ABCC4: variants seen among roughly 807,000 people sequenced by gnomAD.
The protein encoded by ABCC4 is ATP binding cassette subfamily C member 4 (PEL blood group), also known as ATP-binding cassette sub-family C member 4.
Under a neutral mutation model 168.5 loss-of-function variants are expected in ABCC4, and 102 were observed. That is an observed-to-expected ratio of 0.61 (90% CI 0.52 to 0.71). The LOEUF (loss-of-function observed/expected upper bound fraction) is 0.71, where lower values mean the gene tolerates loss of function less well. Among genes scored for constraint, ABCC4 ranks in the 30% least tolerant of loss-of-function variants. The probability of loss-of-function intolerance (pLI) is 0.00; values close to 1 mark genes in which losing one functional copy is unlikely to be tolerated. For synonymous variants in ABCC4, 617 were observed against 590.7 expected, an observed-to-expected ratio of 1.04 and a Z score of -0.65; for missense variants, 1,402 against 1,605.8, an observed-to-expected ratio of 0.87 and a Z score of 2.17.
intron 29 of ABCC4, among the ~76,000 whole-genome samples, chr13:95,042,176 T>G (rs1247742990): frequency 6.6e-6 from 1 of 152,100 alleles, no homozygotes. Flanking sequence ...TGCCTTTCCC[T>G]CCTCCAAGTT....
intron 19 of ABCC4, among the ~76,000 whole-genome samples, chr13:95,139,010 C>A (rs764613322): frequency 6.6e-6 from 1 of 152,200 alleles, no homozygotes; most frequent in Non-Finnish European, 1.5e-5. Flanking sequence ...TGGCTTGTCT[C>A]CTGTACTCCC....
At chr13:95,283,361 G>T (rs1043009028) in intron 1 of ABCC4, among the ~76,000 whole-genome samples, 52 of 87,260 alleles carry the variant, frequency 6.0e-4, no homozygotes, top group Admixed American at 2.3e-3. Flanking sequence ...TTTTTCTGTG[G>T]TTTTTTTTTT....
At chr13:95,269,355 G>C in intron 1 of ABCC4, 2 of 454,790 alleles carry the variant, frequency 4.4e-6, no homozygotes, top group Non-Finnish European at 8.8e-6. Context: ...GAACACAGGA[G>C]GTGGAGGCTG....
intron 29 of ABCC4, among the ~76,000 whole-genome samples, chr13:95,038,145 C>G (rs1386503698): frequency 1.3e-5 from 2 of 152,048 alleles, no homozygotes; most frequent in African/African-American, 4.8e-5. Flanking sequence ...CATGAGCCCC[C>G]ACATATGGCC....
At chr13:95,218,868 A>C (rs1452878614) in intron 4 of ABCC4, among the ~76,000 whole-genome samples, 2 of 144,746 alleles carry the variant, frequency 1.4e-5, no homozygotes, top group African/African-American at 5.2e-5. Flanking sequence ...AAAAAAAGAA[A>C]AGAAAAGAAA....
intron 1 of ABCC4, among the ~76,000 whole-genome samples, chr13:95,259,856 GAAA>G (rs11345832): frequency 0.094 from 13,243 of 141,000 alleles, 1,355 homozygotes; most frequent in African/African-American, 0.26. Flanking sequence ...GTAGTGTGGG[GAAA>G]AAAAAAAAAA....
chr13:95,167,877 G>C (rs1396633496), intron 14 of ABCC4, among the ~76,000 whole-genome samples: 1 of 151,992 alleles, frequency 6.6e-6, no homozygotes, highest in African/African-American at 2.4e-5. Context: ...AAAATGGTTT[G>C]TGTGTGTGTG....
At chr13:95,194,237 C>T (rs899499) in intron 9 of ABCC4, among the ~76,000 whole-genome samples, 25,941 of 152,208 alleles carry the variant, frequency 0.17, 2,844 homozygotes, top group African/African-American at 0.3. Flanking sequence ...TACCTGTCCA[C>T]TTACCACACG....
At chr13:95,178,255 G>A (rs943278905) in intron 11 of ABCC4, among the ~76,000 whole-genome samples, 164 bp from the exon 12 acceptor site, 3 of 152,214 alleles carry the variant, frequency 2.0e-5, no homozygotes, top group Non-Finnish European at 4.4e-5. Flanking sequence ...TAACTAAATT[G>A]TAAGTTTGAA....
chr13:95,294,441 A>C (rs947218088), intron 1 of ABCC4, among the ~76,000 whole-genome samples: 2 of 152,114 alleles, frequency 1.3e-5, no homozygotes, highest in African/African-American at 2.4e-5. Flanking sequence ...GTGGTGAACA[A>C]CACCATACAT....
intron 20 of ABCC4, among the ~76,000 whole-genome samples, chr13:95,113,969 C>CT (rs2035288231): frequency 6.6e-6 from 1 of 152,040 alleles, no homozygotes. Flanking sequence ...TATGGGAAGC[C>CT]TTATTAAAGA....
chr13:95,133,522 C>T (rs1320348124), intron 19 of ABCC4, among the ~76,000 whole-genome samples: 4 of 152,168 alleles, frequency 2.6e-5, no homozygotes, highest in Non-Finnish European at 4.4e-5. Flanking sequence ...TTCAGCTCGA[C>T]GTGGACACTC....
rs76716762 is a variant in ABCC4, at chr13:95,260,125, G to A, written c.75-12372C>T. On this transcript the variant is annotated intron_variant, in intron 1 of 30. Coordinates refer to ENST00000645237, the MANE Select transcript of ABCC4 (RefSeq NM_005845.5). Reference sequence around the variant, plus strand: ...TCTTCTGATGTTCTCCAGGTGATGCGGATGCAGGTTCAGGTTTGAGAACGT... The same window carrying A: ...TCTTCTGATGTTCTCCAGGTGATGCAGATGCAGGTTCAGGTTTGAGAACGT... Among the ~76,000 whole-genome samples, 562 of 152,242 alleles carry A rather than the reference G, an allele frequency of 3.7e-3. 25 individuals carry two copies. In the East Asian group the frequency reaches 0.086, roughly 23 times the overall value.
intron 25 of ABCC4, among the ~76,000 whole-genome samples, chr13:95,065,387 T>G (rs1041459100): frequency 1.3e-5 from 2 of 152,246 alleles, no homozygotes; most frequent in Admixed American, 6.5e-5. Context: ...TGTCACATGT[T>G]AATACCTTTT....
At chr13:95,237,729 T>C (rs1033394706) in intron 3 of ABCC4, among the ~76,000 whole-genome samples, 3 of 152,098 alleles carry the variant, frequency 2.0e-5, no homozygotes, top group Non-Finnish European at 4.4e-5. Flanking sequence ...TCCATGCTCC[T>C]GCTCCCCCAC....
intron 1 of ABCC4, 131 bp downstream of exon 1, chr13:95,301,110 G>C (rs911531150): frequency 2.4e-6 from 2 of 832,560 alleles, no homozygotes; most frequent in African/African-American, 3.6e-5. Flanking sequence ...GGCGTGGACC[G>C]CGTGGCGTAG....
At chr13:95,175,485 G>C (rs1450644400) in intron 13 of ABCC4, among the ~76,000 whole-genome samples, 1 of 151,974 alleles carries the variant, frequency 6.6e-6, no homozygotes, top group South Asian at 2.1e-4. Flanking sequence ...ACTGATTTTT[G>C]TATTTTTAGT....
At chr13:95,026,962 A>G (rs2031581944) in intron 30 of ABCC4, among the ~76,000 whole-genome samples, 2 of 152,328 alleles carry the variant, frequency 1.3e-5, no homozygotes, top group South Asian at 4.1e-4. Context: ...AGATGTCTCC[A>G]TATGAACAGA....
In ABCC4 at chr13:95,043,681, C is replaced by T; in HGVS notation, c.3735+1G>A. 6.2e-7 allele frequency: 1 copy of T among 1,609,598 alleles called. No individual in the cohort carries two copies. Among genetic ancestry groups the T allele is most frequent in the Non-Finnish European group, 8.5e-7 (1 of 1,176,462 alleles). ...AGGAATTCCGCAGGTGAAGGACTCA[C>T]CATTATCTTGTCGCTGTCAATAATG... is the stretch of plus-strand genomic sequence containing the variant. On this transcript the variant is annotated splice_donor_variant, in intron 29 of 30. Coordinates refer to ENST00000645237, the MANE Select transcript of ABCC4 (RefSeq NM_005845.5). LOFTEE classifies it high-confidence loss of function.
Sources: gnomAD v4.1 joint callset for allele counts (sites outside exome capture counted in the v4.1 genomes callset) on GRCh38, gnomAD v4.1.1 for gene constraint, MANE v1.5 for transcripts, NCBI Gene and HGNC (gene_info 2026-07-23, HGNC 2026-07-21) for gene names.